Variants in PDZRN4 observed in about 807,000 individuals in gnomAD.
PDZRN4 encodes the protein PDZ domain containing ring finger 4.
In PDZRN4, 70 loss-of-function variants were observed where a neutral mutation model predicts 99.0. The ratio of observed to expected loss-of-function variants is 0.71; its 90% confidence interval spans 0.58 to 0.86. The LOEUF (loss-of-function observed/expected upper bound fraction) is 0.86, where lower values mean the gene tolerates loss of function less well. PDZRN4 is among the 40% of genes least tolerant of loss of function. The pLI is 0.00. For synonymous variants in PDZRN4, 551 were observed against 501.6 expected, an observed-to-expected ratio of 1.10 and a Z score of -1.32; for missense variants, 1,474 against 1,331.2, an observed-to-expected ratio of 1.11 and a Z score of -1.67.
At chr12:41,529,527 T>C (rs1007222824) in intron 5 of PDZRN4, among the ~76,000 whole-genome samples, 2 of 152,334 alleles carry the variant, frequency 1.3e-5, no homozygotes, top group Non-Finnish European at 2.9e-5. Context: ...ATGCAAAAAG[T>C]GTTTATTCTT....
chr12:41,327,939 G>A (rs551945181), intron 3 of PDZRN4, among the ~76,000 whole-genome samples: 3 of 152,196 alleles, frequency 2.0e-5, no homozygotes, highest in South Asian at 4.1e-4. Flanking sequence ...TCTTACTGAA[G>A]CAATTAAAAT....
rs182650858 is a variant in PDZRN4, at chr12:41,393,834, G to A, written c.844-112622G>A. On this transcript the variant is annotated intron_variant, in intron 3 of 9. Transcript: ENST00000402685. ...GGAGGCACATGCCTGGGACCTTGTC[G>A]GGATGGTTGTGCAGCTGGGCTCAAC... 1.8e-4 allele frequency among the ~76,000 whole-genome samples: 27 copies of A among 152,246 alleles called. 1 individual carries two copies. The East Asian group carries it at 3.9e-3, about 22-fold the overall frequency.
intron 3 of PDZRN4, among the ~76,000 whole-genome samples, chr12:41,255,595 G>C (rs953412535): frequency 2.6e-5 from 4 of 152,124 alleles, no homozygotes; most frequent in Non-Finnish European, 5.9e-5. Flanking sequence ...ACTTCCTGAA[G>C]TGTATGTACA....
At chr12:41,509,976 A>T in intron 5 of PDZRN4, 63 bp downstream of exon 5, 1 of 754,422 alleles carries the variant, frequency 1.3e-6, no homozygotes, top group Non-Finnish European at 2.3e-6. Context: ...GGTTTTGTAT[A>T]ACAAAGAAAT....
chr12:41,336,347 T>C (rs892311503), intron 3 of PDZRN4, among the ~76,000 whole-genome samples: 23 of 152,134 alleles, frequency 1.5e-4, no homozygotes, highest in African/African-American at 4.8e-4. Context: ...ATTGCTGAAG[T>C]TGATTACTGC....
chr12:41,425,630 GA>G (rs139315112), intron 3 of PDZRN4, among the ~76,000 whole-genome samples: 1 of 151,788 alleles, frequency 6.6e-6, no homozygotes, highest in African/African-American at 2.4e-5. Context: ...AATAAAGCCA[GA>G]AAAAAAATAT....
Position 41,251,400 on chromosome 12 carries a change from C to T in PDZRN4, c.843+57212C>T, listed in dbSNP as rs184482027. 2.0e-5 allele frequency among the ~76,000 whole-genome samples: 3 copies of T among 152,202 alleles called. No individual in the cohort carries two copies. The East Asian group carries it at 5.8e-4, about 29-fold the overall frequency. On this transcript the variant is annotated intron_variant, in intron 3 of 9. Transcript: ENST00000402685. Reference sequence around the variant, plus strand: ...TGTAAACTGCTTGTTTCTTTGGGGGCATTTTCCCTATAAACTTTTTGTAAA... The same window carrying T: ...TGTAAACTGCTTGTTTCTTTGGGGGTATTTTCCCTATAAACTTTTTGTAAA...
chr12:41,309,921 C>A (rs1293159937), intron 3 of PDZRN4, among the ~76,000 whole-genome samples: 1 of 151,880 alleles, frequency 6.6e-6, no homozygotes, highest in African/African-American at 2.4e-5. Flanking sequence ...ATTTGAGAGA[C>A]TTCGTCCTTT....
At chr12:41,405,788 T>A (rs1409850354) in intron 3 of PDZRN4, among the ~76,000 whole-genome samples, 1 of 152,182 alleles carries the variant, frequency 6.6e-6, no homozygotes, top group Non-Finnish European at 1.5e-5. Flanking sequence ...TGAAATCATG[T>A]CCTTCACAGC....
chr12:41,294,347 A>G (rs1201673075), intron 3 of PDZRN4, among the ~76,000 whole-genome samples: 1 of 152,198 alleles, frequency 6.6e-6, no homozygotes, highest in Non-Finnish European at 1.5e-5. Flanking sequence ...TAAGTACTGT[A>G]GAACAAAATT....
intron 3 of PDZRN4, among the ~76,000 whole-genome samples, chr12:41,446,176 T>C (rs1481781623): frequency 2.6e-5 from 4 of 152,146 alleles, no homozygotes; most frequent in Non-Finnish European, 2.9e-5. Flanking sequence ...TATGGTTGTT[T>C]AGGTCCTCTG....
chr12:41,400,722 A>G (rs1314394002), intron 3 of PDZRN4, among the ~76,000 whole-genome samples: 3 of 152,152 alleles, frequency 2.0e-5, no homozygotes, highest in East Asian at 1.9e-4. Context: ...CTAGCCCTCA[A>G]TGAAAAATAA....
At chr12:41,478,274 T>A (rs1286365884) in intron 3 of PDZRN4, among the ~76,000 whole-genome samples, 1 of 151,872 alleles carries the variant, frequency 6.6e-6, no homozygotes, top group Non-Finnish European at 1.5e-5. Context: ...CACCACCATA[T>A]CTAGCTAATT....
At chr12:41,379,220 T>G (rs1008899374) in intron 3 of PDZRN4, among the ~76,000 whole-genome samples, 1 of 150,836 alleles carries the variant, frequency 6.6e-6, no homozygotes, top group Non-Finnish European at 1.5e-5. Flanking sequence ...TTTATAATTG[T>G]ATTTATTTGA....
chr12:41,197,162 T>C (rs1039133566), intron 3 of PDZRN4, among the ~76,000 whole-genome samples: 1 of 152,102 alleles, frequency 6.6e-6, no homozygotes, highest in African/African-American at 2.4e-5. Flanking sequence ...GTTTATGAAT[T>C]GTTTTTAAAA....
chr12:41,402,182 T>TATATATATACACACACACTGAGTATAC (rs1343543843), intron 3 of PDZRN4, among the ~76,000 whole-genome samples: 1 of 97,290 alleles, frequency 1.0e-5, no homozygotes, highest in Non-Finnish European at 2.0e-5. Flanking sequence ...ACTGAGTATA[T>TATATATATACACACACACTGAGTATAC]ATATATATAC....
At chr12:41,199,495 T>G (rs775182174) in intron 3 of PDZRN4, among the ~76,000 whole-genome samples, 4 of 152,152 alleles carry the variant, frequency 2.6e-5, no homozygotes, top group Non-Finnish European at 5.9e-5. Flanking sequence ...GATTTAGCAA[T>G]CACACTACTG....
At chr12:41,560,608 C>T (rs1033554289) in intron 7 of PDZRN4, among the ~76,000 whole-genome samples, 2 of 152,312 alleles carry the variant, frequency 1.3e-5, no homozygotes, top group East Asian at 1.9e-4. Flanking sequence ...AGCTATGTGA[C>T]GTGACTACTC....
intron 2 of PDZRN4, among the ~76,000 whole-genome samples, chr12:41,192,479 C>T (rs1950741542): frequency 2.0e-5 from 3 of 152,186 alleles, no homozygotes. Context: ...AAGGAAAGTA[C>T]ATTTCACATT....
Sources: allele counts gnomAD v4.1 joint callset (sites outside exome capture counted in the v4.1 genomes callset), GRCh38; gene constraint gnomAD v4.1.1; transcripts MANE v1.5; gene names NCBI Gene and HGNC (gene_info 2026-07-23, HGNC 2026-07-21).